CNTNAP2: variants seen among roughly 807,000 people sequenced by gnomAD.
CNTNAP2 encodes the protein contactin associated protein 2.
A neutral mutation model predicts 155.2 loss-of-function variants in CNTNAP2; 98 were observed. The ratio of observed to expected loss-of-function variants is 0.63; its 90% CI spans 0.54 to 0.75. The LOEUF is 0.75. CNTNAP2 is among the 30% of genes least tolerant of loss of function. The pLI, the probability that CNTNAP2 is intolerant of heterozygous loss-of-function variation, is 0.00. For missense variants in CNTNAP2, 1,727 were observed against 1,688.1 expected (o/e 1.02, Z -0.40); for synonymous variants, 651 against 631.2 (o/e 1.03, Z -0.47).
intron 13 of CNTNAP2, among the ~76,000 whole-genome samples, chr7:147,877,030 G>C (rs1221251450): frequency 1.3e-5 from 2 of 152,156 alleles, no homozygotes; most frequent in Non-Finnish European, 2.9e-5. Context: ...ACGTGGGGCT[G>C]TTTGTCATTG....
intron 1 of CNTNAP2, among the ~76,000 whole-genome samples, chr7:146,508,103 G>T (rs1797411664): frequency 6.6e-6 from 1 of 152,326 alleles, no homozygotes; most frequent in African/African-American, 2.4e-5. Context: ...TTTCTGACTG[G>T]CCATACCAGA....
intron 1 of CNTNAP2, among the ~76,000 whole-genome samples, chr7:146,445,932 A>C (rs2129121065): frequency 6.6e-6 from 1 of 152,276 alleles, no homozygotes; most frequent in East Asian, 1.9e-4. Flanking sequence ...CAACCCTAAG[A>C]AGATATATTC....
intron 12 of CNTNAP2, among the ~76,000 whole-genome samples, chr7:147,567,812 ACG>A (rs1800202783): frequency 6.6e-6 from 1 of 152,184 alleles, no homozygotes; most frequent in Non-Finnish European, 1.5e-5. Flanking sequence ...TTGGCCGGGC[ACG>A]GCGGCTCATG....
chr7:148,347,234 G>A (rs550505601), intron 21 of CNTNAP2, among the ~76,000 whole-genome samples: 2 of 151,608 alleles, frequency 1.3e-5, no homozygotes, highest in Admixed American at 1.3e-4. Context: ...TTCAGCCTGG[G>A]TGACAGAGTG....
intron 13 of CNTNAP2, among the ~76,000 whole-genome samples, chr7:147,717,746 A>G (rs1300157326): frequency 6.6e-6 from 1 of 152,088 alleles, no homozygotes; most frequent in Non-Finnish European, 1.5e-5. Flanking sequence ...AGACATGGGC[A>G]GGGCGGGGCA....
intron 1 of CNTNAP2, among the ~76,000 whole-genome samples, chr7:146,564,153 C>T (rs1798322554): frequency 2.0e-5 from 3 of 152,084 alleles, no homozygotes; most frequent in Non-Finnish European, 4.4e-5. Flanking sequence ...AGTAAATGTA[C>T]AATTTCCCAG....
intron 3 of CNTNAP2, among the ~76,000 whole-genome samples, chr7:147,039,078 A>G (rs2129253302): frequency 6.6e-6 from 1 of 152,318 alleles, no homozygotes; most frequent in Non-Finnish European, 1.5e-5. Flanking sequence ...CTTTGCATAA[A>G]CGATATATGT....
At chr7:147,849,203 A>T (rs188732503) in intron 13 of CNTNAP2, among the ~76,000 whole-genome samples, 1 of 152,234 alleles carries the variant, frequency 6.6e-6, no homozygotes, top group Non-Finnish European at 1.5e-5. Context: ...CATTATGACA[A>T]TCTGCACAGA....
At chr7:147,775,267 T>TTA (rs1157979534) in intron 13 of CNTNAP2, among the ~76,000 whole-genome samples, 110 of 73,720 alleles carry the variant, frequency 1.5e-3, no homozygotes, top group African/African-American at 4.7e-3. Flanking sequence ...ATAAATATAT[T>TTA]TATATATATA....
chr7:148,082,940 G>T (rs1282091935), intron 15 of CNTNAP2, among the ~76,000 whole-genome samples: 1 of 151,944 alleles, frequency 6.6e-6, no homozygotes, highest in African/African-American at 2.4e-5. Context: ...GCCTCCCAAA[G>T]TGCTGAGATT....
intron 21 of CNTNAP2, among the ~76,000 whole-genome samples, chr7:148,273,790 C>A (rs1192755437): frequency 6.6e-6 from 1 of 152,160 alleles, no homozygotes; most frequent in Admixed American, 6.5e-5. Context: ...TCATATTTCC[C>A]AAACTACCAT....
chr7:146,593,553 G>A (rs867516009), intron 1 of CNTNAP2, among the ~76,000 whole-genome samples: 1 of 152,066 alleles, frequency 6.6e-6, no homozygotes, highest in Non-Finnish European at 1.5e-5. Context: ...CAGCCCTGAA[G>A]CTTCCTGGTT....
chr7:147,506,246 T>C lies in CNTNAP2; in HGVS notation c.1777+20205T>C, dbSNP rs112541739. 6.5e-3 allele frequency among the ~76,000 whole-genome samples: 991 copies of C among 152,184 alleles called. 11 individuals are homozygous for C. The highest frequency in any genetic ancestry group is 0.023 in the African/African-American group (942 of 41,542). On this transcript the variant is annotated intron_variant, in intron 11 of 23. Transcript: ENST00000361727. Reference sequence around the variant, plus strand: ...TCCTTCAAGTTTCTAAAATTTTTTGTTTGTTTGTTCTGTTTGTTTTTTGTT... The same window carrying C: ...TCCTTCAAGTTTCTAAAATTTTTTGCTTGTTTGTTCTGTTTGTTTTTTGTT...
At chr7:147,552,348 T>C (rs1264097431) in intron 11 of CNTNAP2, among the ~76,000 whole-genome samples, 2 of 152,190 alleles carry the variant, frequency 1.3e-5, no homozygotes, top group African/African-American at 2.4e-5. Flanking sequence ...GCCTCATTCA[T>C]TGAATTCCAT....
At chr7:146,604,751 A>G (rs1187683566) in intron 1 of CNTNAP2, among the ~76,000 whole-genome samples, 3 of 141,890 alleles carry the variant, frequency 2.1e-5, no homozygotes, top group Non-Finnish European at 4.7e-5. Context: ...GCCATAAAAA[A>G]TGATGAGTTC....
At chr7:148,337,017 CAT>C (rs60397737) in intron 21 of CNTNAP2, among the ~76,000 whole-genome samples, 77,164 of 151,756 alleles carry the variant, frequency 0.51, 19,819 homozygotes, top group East Asian at 0.65. Context: ...AATTAGGCAA[CAT>C]ATATAGGAAG....
intron 1 of CNTNAP2, among the ~76,000 whole-genome samples, chr7:146,721,800 A>T (rs933152324): frequency 3.6e-5 from 4 of 112,520 alleles, no homozygotes; most frequent in East Asian, 2.4e-4. Context: ...ACATATATAG[A>T]CTATATATAG....
At chr7:147,441,840 T>C (rs533963012) in intron 10 of CNTNAP2, among the ~76,000 whole-genome samples, 7 of 141,908 alleles carry the variant, frequency 4.9e-5, no homozygotes, top group Admixed American at 7.0e-5. Context: ...TCTCTCTCTC[T>C]CTCTCTCTCT....
chr7:146,628,386 GATATA>G (rs1459505021), intron 1 of CNTNAP2, among the ~76,000 whole-genome samples: 1 of 151,986 alleles, frequency 6.6e-6, no homozygotes, highest in Non-Finnish European at 1.5e-5. Context: ...TTGATCAAAT[GATATA>G]ATATTTTAAT....
Sources: gnomAD v4.1 joint callset for allele counts (sites outside exome capture counted in the v4.1 genomes callset) on GRCh38, gnomAD v4.1.1 for gene constraint, MANE v1.5 for transcripts, NCBI Gene and HGNC (gene_info 2026-07-23, HGNC 2026-07-21) for gene names.